The following BPTF variants were observed in gnomAD, a reference collection of about 807,000 sequenced individuals.
BPTF encodes bromodomain PHD finger transcription factor.
A neutral mutation model predicts 292.5 loss-of-function variants in BPTF; 18 were observed. The ratio of observed to expected loss-of-function variants is 0.06; its 90% confidence interval spans 0.04 to 0.09. The LOEUF (loss-of-function observed/expected upper bound fraction) is 0.09, where lower values mean the gene tolerates loss of function less well. Ranked by LOEUF, BPTF falls within the 10% of genes least tolerant of loss-of-function variation. BPTF has a pLI of 1.00. For synonymous variants in BPTF, 1,225 were observed against 1,251.9 expected (o/e 0.98, Z 0.45); for missense variants, 2,726 against 3,498.7 (o/e 0.78, Z 5.57).
In BPTF at chr17:67,948,306, G is replaced by T; in HGVS notation, c.7926G>T (p.Gln2642His). The part of the protein sequence containing the change: ...LLDKDLQIEV[Q>H]EELKRDLKIK... ...ACAAGGATCTGCAAATTGAAGTGCAGGTAAGAGGGCACATCCTTTTCTTCT... is the reference window on the plus strand; with the variant it reads ...ACAAGGATCTGCAAATTGAAGTGCATGTAAGAGGGCACATCCTTTTCTTCT... Residue 2642 changes from glutamine to histidine, a missense_variant and splice_region_variant, in exon 23 of 28, where the codon CAG becomes CAT. By Grantham distance (24) the Gln-to-His change is conservative. This residue lies in a region of BPTF where 148 missense variants were observed against 145.5 expected (regional missense o/e 1.02). Coordinates refer to ENST00000306378, the MANE Select transcript of BPTF (RefSeq NM_182641.4). The T allele has an allele frequency of 6.2e-7, 1 of 1,609,710 alleles. No homozygotes were observed. The highest frequency in any genetic ancestry group is 2.2e-5 in the East Asian group (1 of 44,832).
chr17:67,866,711 T>C, intron 3 of BPTF, 24 bp downstream of exon 3: 1 of 1,583,688 alleles, frequency 6.3e-7, no homozygotes, highest in Non-Finnish European at 8.7e-7. Flanking sequence ...TTTCTCATTT[T>C]ATTTTTGTTA....
intron 22 of BPTF, 113 bp downstream of exon 22, chr17:67,947,921 C>T: frequency 1.6e-6 from 2 of 1,238,074 alleles, no homozygotes; most frequent in South Asian, 2.9e-5. Flanking sequence ...TAAATGAGAA[C>T]ACTTGGCACT....
intron 7 of BPTF, among the ~76,000 whole-genome samples, chr17:67,897,096 G>A (rs1156252486): frequency 1.3e-5 from 2 of 151,944 alleles, no homozygotes; most frequent in Non-Finnish European, 2.9e-5. Flanking sequence ...GGGAGGCCAA[G>A]GTGGGCAGTC....
At chr17:67,837,809 A>G (rs2057250616) in intron 1 of BPTF, among the ~76,000 whole-genome samples, 1 of 152,160 alleles carries the variant, frequency 6.6e-6, no homozygotes, top group African/African-American at 2.4e-5. Flanking sequence ...TCCTCTTCTC[A>G]TCAATTTATT....
rs2060443187 is a variant in BPTF, at chr17:67,881,869, T to TG, written c.1864+6849_1864+6850insG. Among the ~76,000 whole-genome samples, 3 of 139,484 alleles carry TG rather than the reference T, an allele frequency of 2.2e-5. 1 individual carries two copies. The highest frequency in any genetic ancestry group is 3.1e-5 in the Non-Finnish European group (2 of 64,950). 91.5% of individuals were successfully genotyped at this position (139,484 alleles called of 152,430 possible). ...GATTTTGGGTTTTTGTTTTTTTTTT[T>TG]TTTTTTTTTTTTTTTGAGACAGGGT... On this transcript the variant is annotated intron_variant, in intron 4 of 27. Transcript: ENST00000306378.
At chr17:67,909,786 C>T in intron 10 of BPTF, 25 bp downstream of exon 10, 1 of 1,511,742 alleles carries the variant, frequency 6.6e-7, no homozygotes. Flanking sequence ...CTGTGGAGGG[C>T]AGCCTGGGGG....
At chr17:67,905,488 CT>C (rs1451871231) in intron 9 of BPTF, among the ~76,000 whole-genome samples, 1 of 152,074 alleles carries the variant, frequency 6.6e-6, no homozygotes, top group African/African-American at 2.4e-5. Flanking sequence ...AGGAGGATCA[CT>C]TGAGGCCAGG....
At chr17:67,968,938 G>A (rs948152157) in intron 26 of BPTF, among the ~76,000 whole-genome samples, 3 of 151,174 alleles carry the variant, frequency 2.0e-5, no homozygotes, top group Admixed American at 6.6e-5. Flanking sequence ...CCGAGATCGC[G>A]CCATTGCACT....
intron 2 of BPTF, among the ~76,000 whole-genome samples, chr17:67,865,685 A>C (rs548500992): frequency 3.3e-5 from 5 of 152,288 alleles, no homozygotes; most frequent in African/African-American, 1.2e-4. Flanking sequence ...GGACAGAAAT[A>C]CCATTATATG....
Position 67,918,729 on chromosome 17 carries a change from A to C in BPTF, c.5319A>C (p.Thr1773=). 6.2e-7 allele frequency: 1 copy of C among 1,613,494 alleles called. No homozygotes were observed. The highest frequency in any genetic ancestry group is 1.3e-5 in the African/African-American group (1 of 75,024). Residue 1773 remains threonine (T), a synonymous_variant, in exon 12 of 28, where the codon ACA becomes ACC. Transcript: ENST00000306378. ...TTCCTTTCAGGTATAGACTTCAGAC[A>C]GTAAAGTCCTTAGCTGGAGTGAGCC... ...FGITWRYRLQ[T]VKSLAGVSLM...
intron 23 of BPTF, among the ~76,000 whole-genome samples, chr17:67,950,051 C>CAAAAAAAA (rs567911150): frequency 1.0e-4 from 7 of 68,588 alleles, no homozygotes; most frequent in African/African-American, 4.1e-4. Context: ...GAGACTGTCT[C>CAAAAAAAA]AAAAAAAAAA....
At chr17:67,852,111 C>T (rs1288125365) in intron 1 of BPTF, among the ~76,000 whole-genome samples, 3 of 152,018 alleles carry the variant, frequency 2.0e-5, no homozygotes, top group African/African-American at 4.8e-5. Flanking sequence ...AATTTAATGT[C>T]GTTCTCTCTT....
chr17:67,960,678 A>G lies in BPTF; in HGVS notation c.8261+803A>G, dbSNP rs190433566. On this transcript the variant is annotated intron_variant, in intron 24 of 27. Coordinates refer to ENST00000306378, the MANE Select transcript of BPTF (RefSeq NM_182641.4). Reference sequence around the variant, plus strand: ...AACCACCATACTTTTTACAGGACCAAAAAGTCTGATTGTGCTTTAAAAACT... The same window carrying G: ...AACCACCATACTTTTTACAGGACCAGAAAGTCTGATTGTGCTTTAAAAACT... Among the ~76,000 whole-genome samples the G allele has an allele frequency of 3.0e-3, 450 of 152,354 alleles. 2 individuals are homozygous for G. Among genetic ancestry groups the G allele is most frequent in the African/African-American group, 0.01 (434 of 41,584 alleles).
intron 23 of BPTF, among the ~76,000 whole-genome samples, chr17:67,950,071 A>AC (rs1568156803): frequency 2.0e-5 from 3 of 150,592 alleles, no homozygotes; most frequent in Admixed American, 6.7e-5. Flanking sequence ...AAAAAAAAAA[A>AC]ACATTTCATA....
intron 25 of BPTF, chr17:67,965,019 A>AG (rs1555686449): frequency 6.7e-6 from 1 of 149,588 alleles, no homozygotes; most frequent in Non-Finnish European, 1.5e-5. Flanking sequence ...AAAAAAAAAA[A>AG]AGATTATAGT....
At position 67,978,540 on chromosome 17, in the gene BPTF, G is replaced by A. The variant is rs561089672; in HGVS notation, c.8726+2582G>A. Among the ~76,000 whole-genome samples the A allele has an allele frequency of 5.3e-5, 8 of 150,946 alleles. 1 individual carries two copies. Among genetic ancestry groups the A allele is most frequent in the East Asian group, 2.0e-4 (1 of 5,076 alleles). On this transcript the variant is annotated intron_variant, in intron 27 of 27. Transcript: ENST00000306378. Reference sequence around the variant, plus strand: ...TCTCAAACTGCAGACCTCGTGATCCGCCTGCCTCAGCCTCCCAAAGTGCTG... The same window carrying A: ...TCTCAAACTGCAGACCTCGTGATCCACCTGCCTCAGCCTCCCAAAGTGCTG...
intron 4 of BPTF, among the ~76,000 whole-genome samples, chr17:67,884,102 T>TATTCAACC (rs1157376260): frequency 6.6e-6 from 1 of 152,006 alleles, no homozygotes; most frequent in Non-Finnish European, 1.5e-5. Flanking sequence ...TACCAGCTTT[T>TATTCAACC]ATTCAACCAA....
At chr17:67,886,808 T>C (rs2060785245) in intron 4 of BPTF, among the ~76,000 whole-genome samples, 1 of 152,230 alleles carries the variant, frequency 6.6e-6, no homozygotes, top group Non-Finnish European at 1.5e-5. Context: ...GTGTTATGAA[T>C]TGAATTCATT....
chr17:67,843,064 C>G (rs1308214068), intron 1 of BPTF, among the ~76,000 whole-genome samples: 1 of 150,186 alleles, frequency 6.7e-6, no homozygotes, highest in East Asian at 2.0e-4. Flanking sequence ...GTGAGACTTT[C>G]AATGTATGTA....
Sources: allele counts gnomAD v4.1 joint callset (sites outside exome capture counted in the v4.1 genomes callset), GRCh38; gene constraint gnomAD v4.1.1; regional missense constraint gnomAD v4.1.1; transcripts MANE v1.5; gene names NCBI Gene and HGNC (gene_info 2026-07-23, HGNC 2026-07-21).